SOCS5: variants seen among roughly 807,000 people sequenced by gnomAD.
The protein encoded by SOCS5 is CIS-6.
SOCS5 carries 32 observed loss-of-function variants against 42.8 expected under a neutral mutation model. The observed-to-expected ratio is 0.75, with a 90% CI of 0.56 to 1.01. The LOEUF is 1.01. Among genes scored for constraint, SOCS5 ranks in the 50% least tolerant of loss-of-function variants. The pLI, the probability that SOCS5 is intolerant of heterozygous loss-of-function variation, is 0.00. For missense variants in SOCS5, 627 were observed against 653.0 expected (o/e 0.96, Z 0.43); for synonymous variants, 283 against 229.6 (o/e 1.23, Z -2.10).
Position 46,758,782 on chromosome 2 carries a change from A to C in SOCS5, c.252A>C (p.Thr84=), listed in dbSNP as rs1673786326. The C allele has an allele frequency of 1.2e-6, 2 of 1,614,232 alleles. No individual in the cohort carries two copies. Among genetic ancestry groups the C allele is most frequent in the South Asian group, 1.1e-5 (1 of 91,086 alleles). ...NSSRRNQNCA[T]EIPQIVEISI... is the part of the protein sequence containing the mutation. ...CAAGGAGAAATCAAAATTGTGCCAC[A>C]GAAATCCCTCAAATTGTTGAAATAA... is the stretch of plus-strand genomic sequence containing the variant. The change falls in exon 2 of 2, where the codon ACA becomes ACC. Residue 84 remains threonine (T), a synonymous_variant. Transcript: ENST00000394861.
At position 46,759,804 on chromosome 2, in the gene SOCS5, C is replaced by T; in HGVS notation, c.1274C>T (p.Ser425Phe). 6.2e-7 allele frequency: 1 copy of T among 1,614,168 alleles called. No individual in the cohort carries two copies. The highest frequency in any genetic ancestry group is 8.5e-7 in the Non-Finnish European group (1 of 1,180,030). Residue 425 changes from serine (S) to phenylalanine (F), a missense_variant, in exon 2 of 2, where the codon TCC becomes TTC. Coordinates refer to ENST00000394861, the MANE Select transcript of SOCS5 (RefSeq NM_144949.3). Reference sequence around the variant, plus strand: ...GTGAGCTTCCGCCGCTACAACAGATCCCTGCATGCCCGAATTGAGCAGTGG... The same window carrying T: ...GTGAGCTTCCGCCGCTACAACAGATTCCTGCATGCCCGAATTGAGCAGTGG... ...FSVSFRRYNR[S>F]LHARIEQWNH...
chr2:46,731,564 T>G (rs1558406251), intron 1 of SOCS5, among the ~76,000 whole-genome samples: 1 of 152,266 alleles, frequency 6.6e-6, no homozygotes, highest in African/African-American at 2.4e-5. Context: ...AATGTGATTC[T>G]TATGACACAG....
chr2:46,713,309 T>G (rs1450317097), intron 1 of SOCS5, among the ~76,000 whole-genome samples: 2 of 152,214 alleles, frequency 1.3e-5, no homozygotes, highest in African/African-American at 4.8e-5. Flanking sequence ...TGAGCTGTGA[T>G]CATGCCACTG....
chr2:46,753,572 G>A (rs765559641), intron 1 of SOCS5, among the ~76,000 whole-genome samples: 35 of 152,256 alleles, frequency 2.3e-4, no homozygotes, highest in African/African-American at 6.0e-4. Flanking sequence ...TGGACCTTGC[G>A]CAACAAAGAA....
intron 1 of SOCS5, among the ~76,000 whole-genome samples, chr2:46,739,365 C>G (rs75121858): frequency 0.019 from 2,879 of 152,116 alleles, 75 homozygotes; most frequent in African/African-American, 0.061. Context: ...TGAAGGATAC[C>G]TGAGGTGGTT....
chr2:46,757,086 T>A (rs888023424), intron 1 of SOCS5, among the ~76,000 whole-genome samples: 2 of 152,368 alleles, frequency 1.3e-5, no homozygotes, highest in African/African-American at 4.8e-5. Flanking sequence ...TCATGGACAT[T>A]AATTTTCTGT....
chr2:46,754,490 A>G (rs1173244533), intron 1 of SOCS5, among the ~76,000 whole-genome samples: 1 of 152,118 alleles, frequency 6.6e-6, no homozygotes, highest in African/African-American at 2.4e-5. Flanking sequence ...ACATAGTTAC[A>G]CTAATATAAA....
intron 1 of SOCS5, among the ~76,000 whole-genome samples, chr2:46,757,537 C>T (rs1673756736): frequency 6.6e-6 from 1 of 152,076 alleles, no homozygotes; most frequent in Admixed American, 6.5e-5. Context: ...TACAGTTTCC[C>T]AACTCTTCCA....
In SOCS5 at chr2:46,711,104, C is replaced by A. The variant is rs1672611044; in HGVS notation, c.-13+11655C>A. ...AGTTTTCAACTGTTAATGAATAAAG[C>A]TACCATGAACATTCTTGTATAAGTC... is the stretch of plus-strand genomic sequence containing the variant. On this transcript the variant is annotated intron_variant, in intron 1 of 1. Coordinates refer to ENST00000394861, the MANE Select transcript of SOCS5 (RefSeq NM_144949.3). Among the ~76,000 whole-genome samples the A allele has an allele frequency of 3.3e-5, 5 of 152,118 alleles. No homozygotes were observed. In the South Asian group the frequency reaches 1.0e-3, roughly 31 times the overall value.
chr2:46,705,715 T>C (rs1443907666), intron 1 of SOCS5, among the ~76,000 whole-genome samples: 1 of 152,208 alleles, frequency 6.6e-6, no homozygotes, highest in African/African-American at 2.4e-5. Context: ...AGAACAGCAG[T>C]CCAACCCCAT....
chr2:46,731,715 T>TA (rs997808016), intron 1 of SOCS5, among the ~76,000 whole-genome samples: 5 of 152,180 alleles, frequency 3.3e-5, no homozygotes, highest in African/African-American at 1.2e-4. Context: ...TATACATTCT[T>TA]AAAAATCACC....
At chr2:46,716,367 A>ATTTTTTT (rs35187667) in intron 1 of SOCS5, among the ~76,000 whole-genome samples, 48 of 17,036 alleles carry the variant, frequency 2.8e-3, no homozygotes, top group Non-Finnish European at 3.5e-3. Context: ...GAGTGTCTTC[A>ATTTTTTT]TTTTTTTTTT....
intron 1 of SOCS5, among the ~76,000 whole-genome samples, chr2:46,725,546 A>G (rs950138803): frequency 6.6e-6 from 1 of 152,132 alleles, no homozygotes; most frequent in African/African-American, 2.4e-5. Flanking sequence ...TTAACACCAT[A>G]TGTATTTCTC....
chr2:46,759,264 C>T lies in SOCS5; in HGVS notation c.734C>T (p.Thr245Ile). The T allele has an allele frequency of 6.2e-7, 1 of 1,614,002 alleles. No homozygotes were observed. Among genetic ancestry groups the T allele is most frequent in the Non-Finnish European group, 8.5e-7 (1 of 1,179,858 alleles). The change falls in exon 2 of 2, where the codon ACA becomes ATA. Residue 245 changes from threonine to isoleucine, a missense_variant. Around this residue, in one of 3 missense-constraint regions of SOCS5, gnomAD observed 340 missense variants for 367.6 expected, o/e 0.92. Transcript: ENST00000394861. ...QHTAPVSPHS[T>I]FFDTFDPSLV... is the part of the protein sequence containing the mutation. ...ACAGCTCCTGTGAGCCCACATTCAA[C>T]ATTTTTTGATACATTTGATCCATCT...
intron 1 of SOCS5, among the ~76,000 whole-genome samples, chr2:46,725,653 T>C (rs2103718652): frequency 6.6e-6 from 1 of 152,296 alleles, no homozygotes; most frequent in Admixed American, 6.5e-5. Flanking sequence ...TTGAACCCAA[T>C]GGGTACTGTT....
In SOCS5 at chr2:46,748,595, C is replaced by T. The variant is rs992657291; in HGVS notation, c.-12-9924C>T. ...CTTTCTTGGATTCATTACAAGTTGT[C>T]AAATTATTTTCCATTAGTTTTTTTT... On this transcript the variant is annotated intron_variant, in intron 1 of 1. Transcript: ENST00000394861. Among the ~76,000 whole-genome samples the T allele has an allele frequency of 2.6e-5, 4 of 152,050 alleles. No homozygotes were observed. In the East Asian group the frequency reaches 7.7e-4, roughly 29 times the overall value.
At chr2:46,701,066 T>C (rs1672332675) in intron 1 of SOCS5, among the ~76,000 whole-genome samples, 1 of 152,218 alleles carries the variant, frequency 6.6e-6, no homozygotes, top group Non-Finnish European at 1.5e-5. Context: ...ATATATATTT[T>C]CTCCTTATTG....
At chr2:46,751,859 A>G (rs1385182063) in intron 1 of SOCS5, among the ~76,000 whole-genome samples, 1 of 152,208 alleles carries the variant, frequency 6.6e-6, no homozygotes, top group African/African-American at 2.4e-5. Flanking sequence ...GCCCACCATG[A>G]ACTAAGAATG....
At chr2:46,729,806 C>T (rs1482275142) in intron 1 of SOCS5, among the ~76,000 whole-genome samples, 4 of 152,134 alleles carry the variant, frequency 2.6e-5, no homozygotes, top group East Asian at 1.9e-4. Context: ...ACAAATTGAC[C>T]TTTAGCTTCC....
Sources: gnomAD v4.1 joint callset for allele counts (sites outside exome capture counted in the v4.1 genomes callset) on GRCh38, gnomAD v4.1.1 for gene constraint, gnomAD v4.1.1 regional missense constraint, MANE v1.5 for transcripts, NCBI Gene and HGNC (gene_info 2026-07-23, HGNC 2026-07-21) for gene names.